The following NPHP4 variants were observed in gnomAD, a reference collection of about 807,000 sequenced individuals.
The protein encoded by NPHP4 is nephrocystin-4.
NPHP4 carries 151 observed loss-of-function variants against 155.8 expected under a neutral mutation model. That is an observed-to-expected ratio of 0.97 (90% CI 0.85 to 1.11). NPHP4 has a LOEUF of 1.11. NPHP4 is among the 50% of genes least tolerant of loss of function. NPHP4 has a pLI of 0.00. For missense variants in NPHP4, 1,956 were observed against 1,925.7 expected (o/e 1.02, Z -0.29); for synonymous variants, 845 against 816.8 (o/e 1.03, Z -0.59).
intron 18 of NPHP4, 185 bp from the exon 19 acceptor site, chr1:5,880,424 CGA>C: frequency 1.7e-6 from 1 of 592,570 alleles, no homozygotes; most frequent in Non-Finnish European, 3.0e-6. Flanking sequence ...CGTTCTGCTG[CGA>C]ACTTTCAGCT....
rs144013407 is a variant in NPHP4, at chr1:5,954,276, CA to C, written c.674-1441del. Among the ~76,000 whole-genome samples, 1,196 of 151,544 alleles carry C rather than the reference CA, an allele frequency of 7.9e-3. 10 individuals carry two copies. Among genetic ancestry groups the C allele is most frequent in the Middle Eastern group, 0.024 (7 of 292 alleles). ...TATTATTCATCCTGCTGAATAAGAACAAAAAAAATCATACTGTCAAAGATTT... is the reference window on the plus strand; with the variant it reads ...TATTATTCATCCTGCTGAATAAGAACAAAAAAATCATACTGTCAAAGATTT... On this transcript the variant is annotated intron_variant, in intron 6 of 29. Transcript: ENST00000378156.
Position 5,905,305 on chromosome 1 carries a change from G to A in NPHP4, c.1942C>T (p.Leu648Phe), listed in dbSNP as rs777684306. 24 of 1,612,768 alleles carry A rather than the reference G, an allele frequency of 1.5e-5. No homozygotes were observed. The highest frequency in any genetic ancestry group is 1.8e-5 in the Non-Finnish European group (21 of 1,178,872). ...LQSNEMVLQF[L>F]AFSRVAQDCR... is the part of the protein sequence containing the mutation. ...TCAAGGATTTACCTGCTAAAGGCAA[G>A]AAACTGTAGCACCATCTCGTTGCTT... The change falls in exon 15 of 30, where the codon CTT becomes TTT. Residue 648 changes from leucine (L) to phenylalanine (F), a missense_variant. Physicochemically the swap from Leu to Phe is conservative, Grantham distance 22. Transcript: ENST00000378156. The surrounding 1 kb of genome is among the most constrained non-coding windows in gnomAD (Gnocchi z 4.0).
At chr1:5,942,279 C>T (rs1389263505) in intron 9 of NPHP4, among the ~76,000 whole-genome samples, 2 of 152,066 alleles carry the variant, frequency 1.3e-5, no homozygotes, top group Non-Finnish European at 2.9e-5. Flanking sequence ...TGCCTGTAAT[C>T]CCAGCACTTT....
intron 17 of NPHP4, chr1:5,888,477 G>T: frequency 8.1e-7 from 1 of 1,235,332 alleles, no homozygotes; most frequent in East Asian, 5.7e-5. Flanking sequence ...TTCCCTTGTG[G>T]GTCTGGGGGC....
At chr1:5,962,961 G>C (rs566771832) in intron 5 of NPHP4, among the ~76,000 whole-genome samples, 1 of 152,216 alleles carries the variant, frequency 6.6e-6, no homozygotes, top group Non-Finnish European at 1.5e-5. Context: ...ACCACATCCC[G>C]AGGCACAGGG....
chr1:5,910,622 C>T lies in NPHP4; in HGVS notation c.1442-1409G>A, dbSNP rs1645133481. Reference sequence around the variant, plus strand: ...GAGGCCTGTGACGTCAAACGCTGGGCACTCTGGATAGAGACTGCTCAGCCA... The same window carrying T: ...GAGGCCTGTGACGTCAAACGCTGGGTACTCTGGATAGAGACTGCTCAGCCA... On this transcript the variant is annotated intron_variant, in intron 11 of 29. Transcript: ENST00000378156. The surrounding 1 kb of genome is among the most constrained non-coding windows in gnomAD (Gnocchi z 5.4). 6.6e-6 allele frequency among the ~76,000 whole-genome samples: 1 copy of T among 152,226 alleles called. No individual in the cohort carries two copies. Among genetic ancestry groups the T allele is most frequent in the Non-Finnish European group, 1.5e-5 (1 of 68,044 alleles).
chr1:5,890,125 G>A lies in NPHP4; in HGVS notation c.2304+743C>T, dbSNP rs1404468502. On this transcript the variant is annotated intron_variant, in intron 17 of 29. Transcript: ENST00000378156. The surrounding 1 kb of genome is among the most constrained non-coding windows in gnomAD (Gnocchi z 4.9). ...AGCCCCGGGGGTTCAGCCGTGTCAG[G>A]AATCCAGGAGGAAAGCAGCTATGCG... 6.6e-6 allele frequency among the ~76,000 whole-genome samples: 1 copy of A among 152,122 alleles called. No homozygotes were observed. Among genetic ancestry groups the A allele is most frequent in the Admixed American group, 6.5e-5 (1 of 15,278 alleles).
intron 1 of NPHP4, among the ~76,000 whole-genome samples, chr1:5,988,803 A>C (rs1655844229): frequency 6.6e-6 from 1 of 151,852 alleles, no homozygotes; most frequent in Non-Finnish European, 1.5e-5. Flanking sequence ...TCCTTGGCCC[A>C]GGGTCCCGCC....
At chr1:5,990,058 G>A (rs529489555) in intron 1 of NPHP4, among the ~76,000 whole-genome samples, 7 of 152,332 alleles carry the variant, frequency 4.6e-5, no homozygotes, top group Admixed American at 4.6e-4. Context: ...GCCCGCAGCA[G>A]CTCTCACTGC....
chr1:5,947,775 G>A (rs1245588442), intron 8 of NPHP4, among the ~76,000 whole-genome samples: 1 of 152,156 alleles, frequency 6.6e-6, no homozygotes, highest in Non-Finnish European at 1.5e-5. Flanking sequence ...TAATCACAGG[G>A]CACGCCTAGA....
At chr1:5,938,814 G>A (rs553105282) in intron 9 of NPHP4, among the ~76,000 whole-genome samples, 5 of 152,290 alleles carry the variant, frequency 3.3e-5, no homozygotes, top group South Asian at 2.1e-4. Context: ...CATCAGAATC[G>A]TCTGAATCAT....
chr1:5,884,794 TCACTGC>T, intron 18 of NPHP4, among the ~76,000 whole-genome samples: 1 of 130,518 alleles, frequency 7.7e-6, no homozygotes, highest in African/African-American at 3.0e-5. Context: ...ACAACCAAGA[TCACTGC>T]CCAAGCTCCC....
chr1:5,877,113 G>A lies in NPHP4; in HGVS notation c.2797C>T (p.Arg933Trp), dbSNP rs778505641. The A allele has an allele frequency of 2.7e-5, 42 of 1,581,654 alleles. No homozygotes were observed. In the African/African-American group the frequency reaches 3.6e-4, roughly 14 times the overall value. The change falls in exon 20 of 30, where the codon CGG becomes TGG. Residue 933 changes from arginine to tryptophan, a missense_variant. Physicochemically the swap from Arg to Trp is moderately radical, Grantham distance 101. Coordinates refer to ENST00000378156, the MANE Select transcript of NPHP4 (RefSeq NM_015102.5). The part of the protein sequence containing the change: ...RLQEAGGDLG[R>W]RGTSVLAQQS... ...CTTACCAACACGCTCGTCCCGCGCC[G>A]GCCCAAGTCTCCCCCGGCCTCCTGC...
Position 5,880,147 on chromosome 1 carries a change from C to T in NPHP4, c.2578G>A (p.Gly860Arg), listed in dbSNP as rs1475900510. The T allele has an allele frequency of 6.2e-7, 1 of 1,613,624 alleles. No individual in the cohort carries two copies. The highest frequency in any genetic ancestry group is 8.5e-7 in the Non-Finnish European group (1 of 1,179,770). The change falls in exon 19 of 30, where the codon GGA becomes AGA. Residue 860 changes from glycine (G) to arginine (R), a missense_variant. Physicochemically the swap from Gly to Arg is moderately radical, Grantham distance 125. Coordinates refer to ENST00000378156, the MANE Select transcript of NPHP4 (RefSeq NM_015102.5). ...CTTCCAGTCGTGAGGAGGCTGCCTCCAGAGAAGCGGCTGGCTCCATCGTTT... is the reference window on the plus strand; with the variant it reads ...CTTCCAGTCGTGAGGAGGCTGCCTCTAGAGAAGCGGCTGGCTCCATCGTTT... Reference protein sequence around the residue: ...ISNDGASRFSGGSLLTTGSSR... With the variant: ...ISNDGASRFSRGSLLTTGSSR...
intron 19 of NPHP4, among the ~76,000 whole-genome samples, chr1:5,879,139 G>T (rs559289436): frequency 6.6e-6 from 1 of 152,250 alleles, no homozygotes; most frequent in Admixed American, 6.5e-5. Flanking sequence ...CCTTGCAGGA[G>T]GGAACCCAAC....
intron 6 of NPHP4, among the ~76,000 whole-genome samples, chr1:5,958,854 CT>C (rs1476006452): frequency 5.7e-4 from 3 of 5,236 alleles, no homozygotes; most frequent in Non-Finnish European, 7.1e-4. Context: ...CAGACCCTGT[CT>C]CAAAAAAAAA....
At chr1:5,873,469 C>T (rs762532296) in intron 22 of NPHP4, 134 bp from the exon 23 acceptor site, 2 of 711,194 alleles carry the variant, frequency 2.8e-6, no homozygotes, top group Non-Finnish European at 5.0e-6. Context: ...AGGCAGCAAC[C>T]ATCACCAACC....
At chr1:5,868,534 A>C (rs1641519221) in intron 23 of NPHP4, among the ~76,000 whole-genome samples, 1 of 151,968 alleles carries the variant, frequency 6.6e-6, no homozygotes, top group South Asian at 2.1e-4. Context: ...ACGCACCCAC[A>C]CACACGCATG....
intron 8 of NPHP4, 73 bp downstream of exon 8, chr1:5,947,997 T>C (rs1408875889): frequency 2.5e-6 from 3 of 1,206,812 alleles, no homozygotes; most frequent in Non-Finnish European, 3.7e-6. Context: ...ACACCTGACA[T>C]GCACAAATGA....
Sources: gnomAD v4.1 joint callset for allele counts (sites outside exome capture counted in the v4.1 genomes callset) on GRCh38, gnomAD v4.1.1 for gene constraint, Gnocchi (gnomAD v3.1) non-coding constraint, MANE v1.5 for transcripts, NCBI Gene and HGNC (gene_info 2026-07-23, HGNC 2026-07-21) for gene names.